The following PAK5 variants were observed in gnomAD, a reference collection of about 807,000 sequenced individuals.
PAK5 encodes the protein p21 (RAC1) activated kinase 5, also known as serine/threonine-protein kinase PAK 5.
A neutral mutation model predicts 65.9 loss-of-function variants in PAK5; 16 were observed. The ratio of observed to expected loss-of-function variants is 0.24; its 90% CI spans 0.16 to 0.37. The LOEUF (loss-of-function observed/expected upper bound fraction) is 0.37. Ranked by LOEUF, PAK5 falls within the 10% of genes least tolerant of loss-of-function variation. PAK5 has a pLI of 1.00. For missense variants in PAK5, 785 were observed against 903.9 expected (o/e 0.87, Z 1.69); for synonymous variants, 371 against 354.9 (o/e 1.05, Z -0.51).
At chr20:9,636,064 C>G (rs1408555228) in intron 3 of PAK5, among the ~76,000 whole-genome samples, 2 of 152,102 alleles carry the variant, frequency 1.3e-5, no homozygotes, top group Admixed American at 1.3e-4. Flanking sequence ...ATCAGTTATG[C>G]GTAATTGAGA....
chr20:9,738,428 A>G (rs918959968), intron 1 of PAK5, among the ~76,000 whole-genome samples: 1 of 152,304 alleles, frequency 6.6e-6, no homozygotes, highest in Non-Finnish European at 1.5e-5. Flanking sequence ...GTCCATCAAC[A>G]GGTGAATGTA....
intron 9 of PAK5, among the ~76,000 whole-genome samples, chr20:9,541,404 C>T (rs6039497): frequency 5.8e-4 from 89 of 152,310 alleles, no homozygotes; most frequent in African/African-American, 2.0e-3. Context: ...CCTTGGAAAA[C>T]AGAAAAGACC....
At chr20:9,743,401 C>CG (rs1454989107) in intron 1 of PAK5, among the ~76,000 whole-genome samples, 7 of 55,960 alleles carry the variant, frequency 1.3e-4, no homozygotes, top group African/African-American at 3.5e-4. Context: ...CAAAAAAAAA[C>CG]AAACGAAACA....
chr20:9,668,100 C>A (rs1241733613), intron 2 of PAK5, among the ~76,000 whole-genome samples: 1 of 152,040 alleles, frequency 6.6e-6, no homozygotes, highest in African/African-American at 2.4e-5. Flanking sequence ...TGCTTTTTCA[C>A]ATAATTTGTC....
intron 2 of PAK5, among the ~76,000 whole-genome samples, chr20:9,697,633 T>C (rs2047886722): frequency 6.6e-6 from 1 of 152,128 alleles, no homozygotes; most frequent in South Asian, 2.1e-4. Flanking sequence ...ATAATCTTTC[T>C]CTTACCATAT....
chr20:9,650,284 T>C (rs967888644), intron 2 of PAK5, among the ~76,000 whole-genome samples: 4 of 152,180 alleles, frequency 2.6e-5, no homozygotes, highest in African/African-American at 9.7e-5. Context: ...TTCTTCTGAA[T>C]TGATACACTA....
At chr20:9,691,172 A>G (rs2047792129) in intron 2 of PAK5, among the ~76,000 whole-genome samples, 1 of 152,142 alleles carries the variant, frequency 6.6e-6, no homozygotes, top group African/African-American at 2.4e-5. Flanking sequence ...TTTCCTAGAA[A>G]CATATTCTCA....
intron 3 of PAK5, among the ~76,000 whole-genome samples, chr20:9,584,934 G>T (rs1356850709): frequency 2.0e-5 from 3 of 152,144 alleles, no homozygotes; most frequent in African/African-American, 7.2e-5. Flanking sequence ...AGGCATTTGT[G>T]TTGACAGATG....
chr20:9,726,506 C>A (rs908309769), intron 1 of PAK5, among the ~76,000 whole-genome samples: 3 of 151,996 alleles, frequency 2.0e-5, no homozygotes, highest in Non-Finnish European at 2.9e-5. Context: ...AAACTGAAAT[C>A]CTGATAAGAA....
intron 2 of PAK5, among the ~76,000 whole-genome samples, chr20:9,645,224 A>G (rs981173052): frequency 6.6e-6 from 1 of 152,004 alleles, no homozygotes; most frequent in Non-Finnish European, 1.5e-5. Flanking sequence ...TATATTTACA[A>G]TTTTTTACAG....
At position 9,713,338 on chromosome 20, in the gene PAK5, C is replaced by G. The variant is rs535685198; in HGVS notation, c.-161-1903G>C. On this transcript the variant is annotated intron_variant, in intron 1 of 9. Coordinates refer to ENST00000353224, the MANE Select transcript of PAK5 (RefSeq NM_177990.4). ...TATTATCACACTCCAGTTAGAATGG[C>G]TATTATCAAAAAGAAAAAAAAATAA... Among the ~76,000 whole-genome samples the G allele has an allele frequency of 2.0e-4, 31 of 151,830 alleles. No homozygotes were observed. In the East Asian group the frequency reaches 5.0e-3, roughly 25 times the overall value.
At chr20:9,763,599 A>G (rs2048724348) in intron 1 of PAK5, among the ~76,000 whole-genome samples, 1 of 152,214 alleles carries the variant, frequency 6.6e-6, no homozygotes, top group Non-Finnish European at 1.5e-5. Flanking sequence ...AGATTAAGCA[A>G]CAGAATGAAG....
At chr20:9,798,052 A>C (rs2049125761) in intron 1 of PAK5, among the ~76,000 whole-genome samples, 1 of 152,154 alleles carries the variant, frequency 6.6e-6, no homozygotes, top group Non-Finnish European at 1.5e-5. Flanking sequence ...TGTTACACAA[A>C]GGAGGACTAA....
chr20:9,765,235 G>C (rs948618326), intron 1 of PAK5, among the ~76,000 whole-genome samples: 2 of 152,040 alleles, frequency 1.3e-5, no homozygotes, highest in Non-Finnish European at 2.9e-5. Flanking sequence ...CTAGAATTTG[G>C]GGATTTTTTT....
At chr20:9,783,745 T>A (rs6087020) in intron 1 of PAK5, among the ~76,000 whole-genome samples, 1 of 151,978 alleles carries the variant, frequency 6.6e-6, no homozygotes, top group Non-Finnish European at 1.5e-5. Context: ...TGCAATACAA[T>A]GTTGTAACTC....
rs201083517 is a variant in PAK5 at position 9,694,320 on chromosome 20, T to G, written c.-12+16966A>C. Reference sequence around the variant, plus strand: ...TGTGTGTGTTTGTGTGTGTGTGTGTTTGTGTGTGTGTGTGTGTGTGTGTGT... The same window carrying G: ...TGTGTGTGTTTGTGTGTGTGTGTGTGTGTGTGTGTGTGTGTGTGTGTGTGT... On this transcript the variant is annotated intron_variant, in intron 2 of 9. Coordinates refer to ENST00000353224, the MANE Select transcript of PAK5 (RefSeq NM_177990.4). Among the ~76,000 whole-genome samples, 27 of 148,808 alleles carry G rather than the reference T, an allele frequency of 1.8e-4. No individual in the cohort carries two copies. The South Asian group carries it at 2.3e-3, about 13-fold the overall frequency.
chr20:9,636,092 C>T (rs528066525), intron 3 of PAK5, among the ~76,000 whole-genome samples: 1 of 152,280 alleles, frequency 6.6e-6, no homozygotes, highest in African/African-American at 2.4e-5. Context: ...TTGGGGAAAA[C>T]TGTTACCTTA....
intron 7 of PAK5, among the ~76,000 whole-genome samples, chr20:9,546,988 T>C (rs569116252): frequency 2.6e-5 from 4 of 152,342 alleles, no homozygotes; most frequent in Admixed American, 2.6e-4. Flanking sequence ...AAGTGCAGAA[T>C]GTGATCTTAT....
intron 1 of PAK5, among the ~76,000 whole-genome samples, chr20:9,787,186 A>G (rs6056873): frequency 0.78 from 119,163 of 152,126 alleles, 47,220 homozygotes; most frequent in African/African-American, 0.92. Flanking sequence ...AGAGAAATAA[A>G]GCATAGAGGG....
Sources: gnomAD v4.1 joint callset for allele counts (sites outside exome capture counted in the v4.1 genomes callset) on GRCh38, gnomAD v4.1.1 for gene constraint, MANE v1.5 for transcripts, NCBI Gene and HGNC (gene_info 2026-07-23, HGNC 2026-07-21) for gene names.